PREP: variants seen among roughly 807,000 people sequenced by gnomAD.
PREP encodes the protein dJ355L5.1 (prolyl endopeptidase).
A neutral mutation model predicts 87.6 loss-of-function variants in PREP; 29 were observed. The ratio of observed to expected loss-of-function variants is 0.33; its 90% CI spans 0.25 to 0.45. The LOEUF is 0.45. Ranked by LOEUF, PREP falls within the 20% of genes least tolerant of loss-of-function variation. The pLI is 1.00. For missense variants in PREP, 695 were observed against 886.5 expected (o/e 0.78, Z 2.74); for synonymous variants, 337 against 328.6 (o/e 1.03, Z -0.28).
At chr6:105,312,427 A>C (rs1562195514) in intron 10 of PREP, among the ~76,000 whole-genome samples, 1 of 152,252 alleles carries the variant, frequency 6.6e-6, no homozygotes, top group Non-Finnish European at 1.5e-5. Flanking sequence ...TTCTTTTGAG[A>C]CATGAACCAA....
rs1016971869 is a variant in PREP, at chr6:105,385,298, A to G, written c.121-7779T>C. 2.2e-4 allele frequency among the ~76,000 whole-genome samples: 33 copies of G among 151,448 alleles called. 1 individual carries two copies. In the Middle Eastern group the frequency reaches 0.021, roughly 94 times the overall value. ...AGATCTGCTTTAAAAAAAAAAAAAA[A>G]AAAAGAAAAAAAGCACATTTAGCCA... is the stretch of plus-strand genomic sequence containing the variant. On this transcript the variant is annotated intron_variant, in intron 2 of 14. Transcript: ENST00000652536.
At chr6:105,380,517 C>G (rs1772809608) in intron 2 of PREP, among the ~76,000 whole-genome samples, 1 of 152,094 alleles carries the variant, frequency 6.6e-6, no homozygotes, top group Admixed American at 6.5e-5. Context: ...ACAGACAGGC[C>G]AGTTAGGAGG....
At chr6:105,368,683 A>G (rs1171824760) in intron 6 of PREP, among the ~76,000 whole-genome samples, 4 of 152,194 alleles carry the variant, frequency 2.6e-5, no homozygotes, top group Non-Finnish European at 5.9e-5. Flanking sequence ...TTTTACCCTC[A>G]AAGTATTACT....
chr6:105,301,997 T>C (rs1441962508), intron 10 of PREP, among the ~76,000 whole-genome samples: 2 of 152,204 alleles, frequency 1.3e-5, no homozygotes, highest in Admixed American at 1.3e-4. Flanking sequence ...TGAGTTTATT[T>C]GGATTTTAGC....
intron 6 of PREP, among the ~76,000 whole-genome samples, chr6:105,360,896 C>T (rs539100173): frequency 7.2e-5 from 11 of 152,228 alleles, no homozygotes; most frequent in African/African-American, 2.2e-4. Flanking sequence ...ACAAGGTCAT[C>T]GGCTCTACCA....
intron 8 of PREP, among the ~76,000 whole-genome samples, chr6:105,329,432 G>A (rs1294631536): frequency 6.6e-6 from 1 of 152,170 alleles, no homozygotes; most frequent in East Asian, 1.9e-4. Flanking sequence ...AAGATTACAG[G>A]CGTGAGCCAC....
chr6:105,293,236 G>A (rs767680358), intron 10 of PREP, among the ~76,000 whole-genome samples: 6 of 152,162 alleles, frequency 3.9e-5, no homozygotes, highest in Non-Finnish European at 8.8e-5. Flanking sequence ...AAAGTGAGAT[G>A]TGAGAGTCCT....
intron 2 of PREP, among the ~76,000 whole-genome samples, chr6:105,384,718 G>C (rs1249260800): frequency 6.6e-6 from 1 of 152,188 alleles, no homozygotes; most frequent in East Asian, 1.9e-4. Flanking sequence ...ATGAGTATTT[G>C]AAGGGAGAAG....
chr6:105,303,112 CATGTATGTATGT>C (rs141833268), intron 10 of PREP, among the ~76,000 whole-genome samples: 13,876 of 150,710 alleles, frequency 0.092, 745 homozygotes, highest in African/African-American at 0.14. Context: ...AAATGAAGTC[CATGTATGTATGT>C]ATGTATGTAT....
intron 10 of PREP, among the ~76,000 whole-genome samples, chr6:105,316,713 ACATT>A (rs1389992344): frequency 1.3e-5 from 2 of 152,268 alleles, no homozygotes; most frequent in African/African-American, 4.8e-5. Context: ...GTGAACATTA[ACATT>A]CATTATAAAA....
intron 2 of PREP, among the ~76,000 whole-genome samples, chr6:105,380,857 A>G (rs1772818673): frequency 6.6e-6 from 1 of 152,154 alleles, no homozygotes; most frequent in Admixed American, 6.5e-5. Flanking sequence ...GGTGGGTCCA[A>G]GGGTCAGAGG....
At chr6:105,346,507 A>G (rs2114676026) in intron 7 of PREP, among the ~76,000 whole-genome samples, 1 of 152,378 alleles carries the variant, frequency 6.6e-6, no homozygotes, top group African/African-American at 2.4e-5. Context: ...TTATCAATCT[A>G]AAACAATCAA....
rs551111347 is a variant in PREP, at chr6:105,353,108, C to T, written c.718-31G>A. 6.8e-5 allele frequency: 101 copies of T among 1,491,580 alleles called. 1 individual carries two copies. The South Asian group carries it at 1.1e-3, about 16-fold the overall frequency. The allele number at this position is 1,491,580 out of a possible 1,614,324, so 92.4% of individuals were successfully genotyped here. A position where few individuals can be genotyped will look rare whatever the true frequency, so the allele number is the denominator to read the frequency against. On this transcript the variant is annotated intron_variant, in intron 6 of 14. Transcript: ENST00000652536. ...AAAGAAAAAAAAATAGTGCAGGGGA[C>T]TAATTAGAATTTATTTTTGTGAGAA...
intron 10 of PREP, among the ~76,000 whole-genome samples, chr6:105,294,101 G>C (rs961362483): frequency 1.3e-5 from 2 of 151,558 alleles, no homozygotes; most frequent in African/African-American, 4.9e-5. Context: ...TCCCACACTT[G>C]GCCAAGAAGC....
intron 7 of PREP, among the ~76,000 whole-genome samples, chr6:105,347,621 GAC>G (rs1476061215): frequency 6.6e-6 from 1 of 152,152 alleles, no homozygotes; most frequent in Non-Finnish European, 1.5e-5. Flanking sequence ...AGAGAAAAGA[GAC>G]AGCTCTGAGC....
chr6:105,309,094 G>A (rs1770706982), intron 10 of PREP, among the ~76,000 whole-genome samples: 1 of 152,226 alleles, frequency 6.6e-6, no homozygotes, highest in South Asian at 2.1e-4. Flanking sequence ...GCGGGTGAGG[G>A]AGAGTGGCAG....
At chr6:105,353,166 T>A in intron 6 of PREP, 89 bp from the exon 7 acceptor site, 1 of 1,109,170 alleles carries the variant, frequency 9.0e-7, no homozygotes, top group Non-Finnish European at 1.3e-6. Context: ...AAATTAAGGT[T>A]AATTTTCAAA....
rs570673180 is a variant in PREP, at chr6:105,326,451, T to C, written c.1213+2378A>G. 2.0e-5 allele frequency among the ~76,000 whole-genome samples: 3 copies of C among 152,126 alleles called. No homozygotes were observed. In the South Asian group the frequency reaches 6.2e-4, roughly 32 times the overall value. The stretch of plus-strand genomic sequence containing the variant: ...TAAATGGCTTGGGCTCAAGATGTGT[T>C]TTCACCATGTACCTCCAAGGAAAAC... On this transcript the variant is annotated intron_variant, in intron 9 of 14. Transcript: ENST00000652536.
Position 105,372,500 on chromosome 6 carries a change from A to C in PREP, c.595+869T>G, listed in dbSNP as rs1370315467. ...ATGACACATTGTACCAGTAAGGTACAAGGTACATAGCCCTTCCTGCCTGGG... is the reference window on the plus strand; with the variant it reads ...ATGACACATTGTACCAGTAAGGTACCAGGTACATAGCCCTTCCTGCCTGGG... On this transcript the variant is annotated intron_variant, in intron 5 of 14. Transcript: ENST00000652536. Among the ~76,000 whole-genome samples, 4 of 152,354 alleles carry C rather than the reference A, an allele frequency of 2.6e-5. No homozygotes were observed. The East Asian group carries it at 7.7e-4, about 29-fold the overall frequency.
Sources: gnomAD v4.1 joint callset for allele counts (sites outside exome capture counted in the v4.1 genomes callset) on GRCh38, gnomAD v4.1.1 for gene constraint, MANE v1.5 for transcripts, NCBI Gene and HGNC (gene_info 2026-07-23, HGNC 2026-07-21) for gene names.